Variants in NELL1 observed in about 807,000 individuals in gnomAD.
NELL1 encodes protein kinase C-binding protein NELL1.
Under a neutral mutation model 107.4 loss-of-function variants are expected in NELL1, and 76 were observed. The observed-to-expected ratio is 0.71, with a 90% CI of 0.59 to 0.86. The LOEUF is 0.86. Among genes scored for constraint, NELL1 ranks in the 40% least tolerant of loss-of-function variants. NELL1 has a pLI of 0.00. For missense variants in NELL1, 1,024 were observed against 1,005.5 expected, an observed-to-expected ratio of 1.02 and a Z score of -0.25; for synonymous variants, 353 against 341.2, an observed-to-expected ratio of 1.03 and a Z score of -0.38.
chr11:20,797,565 CAAAAA>C (rs35016707), intron 3 of NELL1, among the ~76,000 whole-genome samples: 1 of 69,296 alleles, frequency 1.4e-5, no homozygotes, highest in Admixed American at 1.9e-4. Flanking sequence ...GACTCCATCT[CAAAAA>C]AAAAAAAAAA....
chr11:21,160,009 C>T (rs567556926), intron 13 of NELL1, among the ~76,000 whole-genome samples: 17 of 152,206 alleles, frequency 1.1e-4, no homozygotes, highest in Non-Finnish European at 8.8e-5. Context: ...TTTCCCCAGG[C>T]GCCTCTTGTC....
intron 14 of NELL1, among the ~76,000 whole-genome samples, chr11:21,256,189 G>T (rs1858763371): frequency 6.6e-6 from 1 of 151,874 alleles, no homozygotes; most frequent in African/African-American, 2.4e-5. Context: ...TTTTTCCAAG[G>T]TTCTTTCACT....
intron 12 of NELL1, among the ~76,000 whole-genome samples, chr11:20,983,553 G>A (rs973550008): frequency 6.6e-6 from 1 of 152,106 alleles, no homozygotes; most frequent in African/African-American, 2.4e-5. Flanking sequence ...CACATATTTA[G>A]GAGACATTCT....
intron 3 of NELL1, among the ~76,000 whole-genome samples, chr11:20,812,864 C>T (rs11025770): frequency 0.22 from 32,768 of 150,244 alleles, 3,832 homozygotes; most frequent in African/African-American, 0.29. Context: ...AAAAATTAGC[C>T]GGGCGAGGTG....
intron 14 of NELL1, among the ~76,000 whole-genome samples, chr11:21,365,236 A>C (rs1268882254): frequency 6.6e-6 from 1 of 152,060 alleles, no homozygotes; most frequent in African/African-American, 2.4e-5. Flanking sequence ...GACAATTTTC[A>C]TGACTAGTTG....
Position 21,185,108 on chromosome 11 carries a change from A to G in NELL1, c.1427-44224A>G, listed in dbSNP as rs548390119. ...CATCCATCCATCCATCTATACTTCC[A>G]TCCTTCCATTAACCTATCCATCCAT... On this transcript the variant is annotated intron_variant, in intron 13 of 19. Coordinates refer to ENST00000357134, the MANE Select transcript of NELL1 (RefSeq NM_006157.5). Among the ~76,000 whole-genome samples the G allele has an allele frequency of 1.2e-4, 18 of 151,590 alleles. 1 individual carries two copies. The highest frequency in any genetic ancestry group is 3.9e-4 in the African/African-American group (16 of 41,026).
chr11:21,111,516 T>C (rs1855107144), intron 12 of NELL1, among the ~76,000 whole-genome samples: 1 of 152,108 alleles, frequency 6.6e-6, no homozygotes, highest in Non-Finnish European at 1.5e-5. Flanking sequence ...CAAAGGCATA[T>C]TTCTAGCTCA....
chr11:20,756,715 C>A (rs776026604), intron 2 of NELL1, among the ~76,000 whole-genome samples: 9 of 151,908 alleles, frequency 5.9e-5, no homozygotes, highest in African/African-American at 2.2e-4. Flanking sequence ...AACAGCATCC[C>A]GGGCCTCCAC....
At chr11:20,752,616 C>T (rs1032873168) in intron 2 of NELL1, among the ~76,000 whole-genome samples, 1 of 152,114 alleles carries the variant, frequency 6.6e-6, no homozygotes, top group Non-Finnish European at 1.5e-5. Flanking sequence ...TTTTTTGCAT[C>T]TGTTGAGAAA....
At chr11:20,947,245 C>A in intron 10 of NELL1, 91 bp from the exon 11 acceptor site, 1 of 788,854 alleles carries the variant, frequency 1.3e-6, no homozygotes, top group Non-Finnish European at 2.2e-6. Context: ...ATGTTGTTAT[C>A]ACTGCAGGCT....
intron 2 of NELL1, among the ~76,000 whole-genome samples, chr11:20,745,436 G>A (rs1170086281): frequency 1.3e-5 from 2 of 152,194 alleles, no homozygotes; most frequent in African/African-American, 2.4e-5. Flanking sequence ...ACTGAAGATA[G>A]CACTGACATT....
At chr11:21,290,104 T>G (rs1057465918) in intron 14 of NELL1, among the ~76,000 whole-genome samples, 1 of 152,118 alleles carries the variant, frequency 6.6e-6, no homozygotes, top group Non-Finnish European at 1.5e-5. Context: ...ACGCGGTGGC[T>G]CACGCCTGTA....
At chr11:20,822,331 A>T (rs1857774144) in intron 3 of NELL1, among the ~76,000 whole-genome samples, 1 of 152,212 alleles carries the variant, frequency 6.6e-6, no homozygotes, top group African/African-American at 2.4e-5. Context: ...AATCAAATAG[A>T]TGGTATAGCA....
intron 13 of NELL1, among the ~76,000 whole-genome samples, chr11:21,196,983 T>G (rs1048614088): frequency 6.6e-6 from 1 of 151,206 alleles, no homozygotes; most frequent in African/African-American, 2.4e-5. Flanking sequence ...GCAATTCTCC[T>G]GCCTCAGCCT....
chr11:21,050,706 G>A (rs556591136), intron 12 of NELL1, among the ~76,000 whole-genome samples: 13 of 122,222 alleles, frequency 1.1e-4, no homozygotes, highest in African/African-American at 3.7e-4. Flanking sequence ...GAAATACCAG[G>A]GTCACCTCAG....
rs141998941 is a variant in NELL1, at chr11:21,370,920, T to A, written c.1617T>A (p.Ser539=). Residue 539 remains serine (S), a synonymous_variant, in exon 15 of 20, where the codon TCT becomes TCA. Coordinates refer to ENST00000357134, the MANE Select transcript of NELL1 (RefSeq NM_006157.5). ...CTCCCAACAAATGTGTCTGTCCATC[T>A]GGATTCACAGGAAGCCACTGCGAGA... ...CVAPNKCVCP[S]GFTGSHCEKD... 1.4e-3 allele frequency: 2,237 copies of A among 1,611,558 alleles called. 4 individuals are homozygous for A. The highest frequency in any genetic ancestry group is 1.8e-3 in the Non-Finnish European group (2,112 of 1,178,728).
In NELL1 at chr11:20,904,054, A is replaced by G. The variant is rs751757830; in HGVS notation, c.604-14128A>G. ...ACCTTATTCACAAATTATTTTGCAT[A>G]TCTATTCTAACTATCTGGGACTATG... On this transcript the variant is annotated intron_variant, in intron 5 of 19. Coordinates refer to ENST00000357134, the MANE Select transcript of NELL1 (RefSeq NM_006157.5). 7.4e-4 allele frequency among the ~76,000 whole-genome samples: 112 copies of G among 152,250 alleles called. 1 individual carries two copies. Among genetic ancestry groups the G allele is most frequent in the Non-Finnish European group, 1.3e-3 (89 of 67,996 alleles).
chr11:21,026,341 C>A (rs973746025), intron 12 of NELL1, among the ~76,000 whole-genome samples: 1 of 152,152 alleles, frequency 6.6e-6, no homozygotes, highest in African/African-American at 2.4e-5. Context: ...GACCTGCCAA[C>A]ACAGCAGACA....
chr11:21,502,469 C>T (rs968527985), intron 15 of NELL1, among the ~76,000 whole-genome samples: 1 of 152,184 alleles, frequency 6.6e-6, no homozygotes, highest in African/African-American at 2.4e-5. Context: ...ATGACTCAGA[C>T]AACTCATTAC....
Sources: allele counts gnomAD v4.1 joint callset (sites outside exome capture counted in the v4.1 genomes callset), GRCh38; gene constraint gnomAD v4.1.1; transcripts MANE v1.5; gene names NCBI Gene and HGNC (gene_info 2026-07-23, HGNC 2026-07-21).